Variants in DLGAP2 observed in about 807,000 individuals in gnomAD.
DLGAP2 encodes disks large-associated protein 2.
A neutral mutation model predicts 100.3 loss-of-function variants in DLGAP2; 26 were observed. The ratio of observed to expected loss-of-function variants is 0.26; its 90% CI spans 0.19 to 0.36. The LOEUF (loss-of-function observed/expected upper bound fraction) is 0.36. DLGAP2 is among the 10% of genes least tolerant of loss of function. The probability of loss-of-function intolerance (pLI) is 1.00; values close to 1 mark genes in which losing one functional copy is unlikely to be tolerated. For synonymous variants in DLGAP2, 886 were observed against 630.1 expected (o/e 1.41, Z -6.08); for missense variants, 1,858 against 1,453.2 (o/e 1.28, Z -4.53).
intron 3 of DLGAP2, among the ~76,000 whole-genome samples, chr8:1,493,761 G>A (rs547811170): frequency 5.9e-5 from 9 of 152,236 alleles, no homozygotes; most frequent in Admixed American, 1.3e-4. Flanking sequence ...GCTGGCTCCT[G>A]TAGAGAAGCT....
chr8:1,391,737 G>A (rs987177320), intron 3 of DLGAP2, among the ~76,000 whole-genome samples: 11 of 152,178 alleles, frequency 7.2e-5, no homozygotes, highest in African/African-American at 2.7e-4. Context: ...AGCTCACTTT[G>A]GTGCAAATAA....
intron 1 of DLGAP2, among the ~76,000 whole-genome samples, chr8:781,345 T>G (rs1821681818): frequency 6.6e-6 from 1 of 152,236 alleles, no homozygotes; most frequent in East Asian, 1.9e-4. Context: ...TTCTTAATAA[T>G]GAGGTTTGAT....
At chr8:1,521,897 C>G (rs963005548) in intron 4 of DLGAP2, among the ~76,000 whole-genome samples, 1 of 148,482 alleles carries the variant, frequency 6.7e-6, no homozygotes, top group African/African-American at 2.5e-5. Context: ...ATTTGGAATA[C>G]TCGGGTGGCA....
chr8:1,299,854 A>C (rs1237614474), intron 3 of DLGAP2: 1 of 152,194 alleles, frequency 6.6e-6, no homozygotes, highest in Non-Finnish European at 1.5e-5. Flanking sequence ...ACTTTGTCTT[A>C]ATCTGCTGGA....
At chr8:1,236,334 C>T in intron 2 of DLGAP2, among the ~76,000 whole-genome samples, 1 of 65,352 alleles carries the variant, frequency 1.5e-5, no homozygotes, top group Non-Finnish European at 3.2e-5. Context: ...GGTTCTCTCA[C>T]ATGGCGCCGT....
intron 3 of DLGAP2, among the ~76,000 whole-genome samples, chr8:1,270,781 T>G (rs1799567064): frequency 6.6e-6 from 1 of 151,526 alleles, no homozygotes; most frequent in Admixed American, 6.6e-5. Flanking sequence ...TCTCTGTGTG[T>G]GTCTACCTCT....
At chr8:1,264,764 G>T (rs955858807) in intron 3 of DLGAP2, among the ~76,000 whole-genome samples, 3 of 152,142 alleles carry the variant, frequency 2.0e-5, no homozygotes, top group Admixed American at 6.5e-5. Context: ...ATATGGTTTT[G>T]CTGTGTCCCC....
intron 1 of DLGAP2, among the ~76,000 whole-genome samples, chr8:862,382 G>A (rs187160829): frequency 1.3e-4 from 19 of 151,146 alleles, no homozygotes; most frequent in East Asian, 3.9e-4. Context: ...AGCTCACTGC[G>A]GCCTCCGCCT....
intron 2 of DLGAP2, among the ~76,000 whole-genome samples, chr8:1,022,452 A>G (rs1166116858): frequency 0.013 from 831 of 61,922 alleles, no homozygotes; most frequent in Middle Eastern, 0.045. Flanking sequence ...GTCCCGTGCC[A>G]AGGTAGACAC....
At chr8:1,048,937 G>C (rs1802593890) in intron 2 of DLGAP2, among the ~76,000 whole-genome samples, 2 of 152,114 alleles carry the variant, frequency 1.3e-5, no homozygotes. Flanking sequence ...CTCACGGGTA[G>C]AAAAACAGCA....
chr8:812,402 C>G (rs909623478), intron 1 of DLGAP2, among the ~76,000 whole-genome samples: 1 of 152,120 alleles, frequency 6.6e-6, no homozygotes, highest in African/African-American at 2.4e-5. Flanking sequence ...CTCTTGTGTA[C>G]GGCTTCTCCC....
intron 1 of DLGAP2, among the ~76,000 whole-genome samples, chr8:886,218 T>C (rs748290409): frequency 3.3e-5 from 5 of 152,142 alleles, no homozygotes; most frequent in Non-Finnish European, 5.9e-5. Context: ...TGATCGTAGT[T>C]TGTATTTCTT....
chr8:1,626,968 C>A (rs1043323298), intron 7 of DLGAP2, 81 bp downstream of exon 7: 5 of 1,489,648 alleles, frequency 3.4e-6, no homozygotes, highest in Non-Finnish European at 4.5e-6. Flanking sequence ...GCATAGGTGG[C>A]GATGGCGCTG....
In DLGAP2 at chr8:1,557,066, A is replaced by G. The variant is rs548890230; in HGVS notation, c.1230+7383A>G. Among the ~76,000 whole-genome samples the G allele has an allele frequency of 6.6e-5, 10 of 152,050 alleles. No homozygotes were observed. The South Asian group carries it at 1.9e-3, about 28-fold the overall frequency. On this transcript the variant is annotated intron_variant, in intron 5 of 14. Transcript: ENST00000637795. ...GGGGGCTGGGAGACGCTTGTGGGGTACGTCTTATGCACTGGGGGATGTTGA... is the reference window on the plus strand; with the variant it reads ...GGGGGCTGGGAGACGCTTGTGGGGTGCGTCTTATGCACTGGGGGATGTTGA...
intron 2 of DLGAP2, among the ~76,000 whole-genome samples, chr8:1,160,377 T>G (rs1005230394): frequency 6.6e-6 from 1 of 152,188 alleles, no homozygotes; most frequent in Non-Finnish European, 1.5e-5. Context: ...AAGGAAGTGC[T>G]GGTCTTTGCC....
intron 3 of DLGAP2, among the ~76,000 whole-genome samples, chr8:1,499,067 G>A (rs908468885): frequency 1.3e-5 from 2 of 152,210 alleles, no homozygotes; most frequent in African/African-American, 4.8e-5. Flanking sequence ...GCAAGGAAGC[G>A]TTTGTACTCC....
intron 2 of DLGAP2, among the ~76,000 whole-genome samples, chr8:1,001,086 G>A (rs1416828448): frequency 6.6e-6 from 1 of 152,216 alleles, no homozygotes; most frequent in African/African-American, 2.4e-5. Context: ...ATGACAGAGG[G>A]AATCACAATT....
chr8:1,341,143 A>G (rs1373324913), intron 3 of DLGAP2, among the ~76,000 whole-genome samples: 1 of 152,186 alleles, frequency 6.6e-6, no homozygotes, highest in African/African-American at 2.4e-5. Context: ...TAGGCTTAAT[A>G]CTTGGGTGAT....
At chr8:1,207,724 CAT>C (rs1413343024) in intron 2 of DLGAP2, among the ~76,000 whole-genome samples, 2 of 152,164 alleles carry the variant, frequency 1.3e-5, no homozygotes, top group African/African-American at 4.8e-5. Context: ...TTCATGCCAA[CAT>C]CTATTTTTTT....
Sources: allele counts gnomAD v4.1 joint callset (sites outside exome capture counted in the v4.1 genomes callset), GRCh38; gene constraint gnomAD v4.1.1; transcripts MANE v1.5; gene names NCBI Gene and HGNC (gene_info 2026-07-23, HGNC 2026-07-21).